TTC6: variants seen among roughly 807,000 people sequenced by gnomAD.
TTC6 encodes the protein tetratricopeptide repeat protein 6.
Under a neutral mutation model 210.4 loss-of-function variants are expected in TTC6, and 172 were observed. That is an observed-to-expected ratio of 0.82 (90% confidence interval 0.72 to 0.93). The LOEUF (loss-of-function observed/expected upper bound fraction) is 0.93. Ranked by LOEUF, TTC6 falls within the 40% of genes least tolerant of loss-of-function variation. The pLI is 0.00. For synonymous variants in TTC6, 804 were observed against 819.6 expected (o/e 0.98, Z 0.32); for missense variants, 2,414 against 2,318.1 (o/e 1.04, Z -0.85).
intron 1 of TTC6, among the ~76,000 whole-genome samples, chr14:37,604,820 C>T (rs1027042870): frequency 2.6e-5 from 4 of 152,114 alleles, no homozygotes. Flanking sequence ...CTCCTCTGCC[C>T]TTCTCATGGA....
At chr14:37,654,767 T>C (rs1444061780) in intron 1 of TTC6, among the ~76,000 whole-genome samples, 2 of 152,198 alleles carry the variant, frequency 1.3e-5, no homozygotes, top group Non-Finnish European at 2.9e-5. Flanking sequence ...TTTAATCTCA[T>C]GAATTTAAGA....
At chr14:37,781,135 T>C (rs151011314) in intron 14 of TTC6, among the ~76,000 whole-genome samples, 5,246 of 152,334 alleles carry the variant, frequency 0.034, 133 homozygotes, top group South Asian at 0.095. Context: ...ATCCTTTGTG[T>C]ATATGCCCAG....
At chr14:37,597,032 G>T (rs544096575) in intron 1 of TTC6, among the ~76,000 whole-genome samples, 2 of 150,480 alleles carry the variant, frequency 1.3e-5, no homozygotes, top group African/African-American at 2.4e-5. Context: ...TTACAAAAAG[G>T]GTGGGGGGGT....
intron 1 of TTC6, among the ~76,000 whole-genome samples, chr14:37,656,218 A>G (rs549968744): frequency 1.3e-5 from 2 of 152,182 alleles, no homozygotes; most frequent in African/African-American, 2.4e-5. Context: ...GTGAATGGCA[A>G]GTGGTCTCTG....
chr14:37,622,612 G>C (rs575515874), exon 1 of TTC6: 1 of 1,534,876 alleles, frequency 6.5e-7, no homozygotes, highest in South Asian at 1.2e-5. Context: ...CACTTGGGAA[G>C]GGAGCGCGAA....
At chr14:37,811,957 A>G (rs1231214357) in intron 24 of TTC6, among the ~76,000 whole-genome samples, 2 of 152,200 alleles carry the variant, frequency 1.3e-5, no homozygotes, top group Non-Finnish European at 2.9e-5. Context: ...CTAAAAAGAA[A>G]TTACATTTTT....
chr14:37,792,038 T>C (rs2096080933), intron 16 of TTC6, among the ~76,000 whole-genome samples: 1 of 152,168 alleles, frequency 6.6e-6, no homozygotes, highest in African/African-American at 2.4e-5. Flanking sequence ...AGGAATTCTG[T>C]TCCTAGCGCA....
chr14:37,653,246 G>A (rs1457829579), intron 1 of TTC6, among the ~76,000 whole-genome samples: 1 of 152,142 alleles, frequency 6.6e-6, no homozygotes, highest in African/African-American at 2.4e-5. Flanking sequence ...AAGGATACAT[G>A]GGAAATATAT....
At chr14:37,622,025 A>G (rs1340674555), upstream of TTC6, 1 of 1,403,658 alleles carries the variant, frequency 7.1e-7, no homozygotes, top group Admixed American at 2.4e-5. Flanking sequence ...AACATATGTG[A>G]TTGTTTTGGG....
At chr14:37,747,143 C>T (rs1164377986) in intron 10 of TTC6, among the ~76,000 whole-genome samples, 3 of 152,150 alleles carry the variant, frequency 2.0e-5, no homozygotes, top group Non-Finnish European at 4.4e-5. Flanking sequence ...GAACATCATT[C>T]CCTGCTAACA....
At chr14:37,811,130 CGTT>C (rs2096128652) in intron 24 of TTC6, among the ~76,000 whole-genome samples, 1 of 152,180 alleles carries the variant, frequency 6.6e-6, no homozygotes, top group Admixed American at 6.5e-5. Context: ...CCCTTACCCT[CGTT>C]GACCTTTACG....
intron 18 of TTC6, 22 bp from the exon 21 acceptor site, chr14:37,796,272 C>A: frequency 1.8e-6 from 2 of 1,096,156 alleles, no homozygotes; most frequent in South Asian, 3.1e-5. Context: ...TGCTTAGAAT[C>A]AAAATCGATT....
At chr14:37,747,972 A>G (rs2095940940) in intron 10 of TTC6, among the ~76,000 whole-genome samples, 1 of 152,214 alleles carries the variant, frequency 6.6e-6, no homozygotes, top group African/African-American at 2.4e-5. Flanking sequence ...CTTATGGACC[A>G]TGGTGAAGGG....
At chr14:37,783,563 G>C (rs887707543) in intron 14 of TTC6, among the ~76,000 whole-genome samples, 3 of 151,616 alleles carry the variant, frequency 2.0e-5, no homozygotes, top group African/African-American at 7.3e-5. Context: ...CAATTTTGTT[G>C]ATGTTTTCAG....
intron 14 of TTC6, among the ~76,000 whole-genome samples, chr14:37,765,325 A>T (rs1157200413): frequency 2.3e-5 from 3 of 132,942 alleles, no homozygotes; most frequent in East Asian, 2.2e-4. Flanking sequence ...ACCACACCTA[A>T]TTTTTTTTTT....
chr14:37,697,045 T>A (rs2095816233), intron 4 of TTC6, among the ~76,000 whole-genome samples: 1 of 152,138 alleles, frequency 6.6e-6, no homozygotes, highest in Admixed American at 6.5e-5. Context: ...TTTTGACAAA[T>A]GTACTTACTT....
intron 23 of TTC6, 140 bp from the exon 26 acceptor site, chr14:37,808,593 A>G (rs2096123364): frequency 2.2e-6 from 1 of 465,008 alleles, no homozygotes; most frequent in Non-Finnish European, 3.9e-6. Context: ...ATTAGCTTCA[A>G]TGTCTTAATT....
At chr14:37,666,696 C>T (rs2095748825) in intron 1 of TTC6, among the ~76,000 whole-genome samples, 1 of 150,066 alleles carries the variant, frequency 6.7e-6, no homozygotes, top group African/African-American at 2.4e-5. Flanking sequence ...TGAAATTTAC[C>T]CCCTTTTTGT....
exon 3 of TTC6, chr14:37,682,822 A>C: frequency 6.5e-7 from 1 of 1,535,698 alleles, no homozygotes; most frequent in Non-Finnish European, 8.7e-7. Context: ...GAGGATATAG[A>C]ATGGGGACCC....
Sources: gnomAD v4.1 joint callset for allele counts (sites outside exome capture counted in the v4.1 genomes callset) on GRCh38, gnomAD v4.1.1 for gene constraint, MANE v1.5 for transcripts, NCBI Gene and HGNC (gene_info 2026-07-23, HGNC 2026-07-21) for gene names.